SLC35A5: variants seen among roughly 807,000 people sequenced by gnomAD.
SLC35A5 encodes the protein UDP-sugar transporter protein SLC35A5.
Under a neutral mutation model 36.3 loss-of-function variants are expected in SLC35A5, and 28 were observed. The ratio of observed to expected loss-of-function variants is 0.77; its 90% CI spans 0.57 to 1.06. The LOEUF (loss-of-function observed/expected upper bound fraction) is 1.06. Ranked by LOEUF, SLC35A5 falls within the 50% of genes least tolerant of loss-of-function variation. SLC35A5 has a pLI of 0.00. For missense variants in SLC35A5, 521 were observed against 499.3 expected (o/e 1.04, Z -0.41); for synonymous variants, 180 against 173.7 (o/e 1.04, Z -0.29).
intron 1 of SLC35A5, 118 bp downstream of exon 1, chr3:112,562,391 T>C (rs1450805048): frequency 6.6e-6 from 1 of 152,362 alleles, no homozygotes; most frequent in Non-Finnish European, 1.5e-5. Flanking sequence ...AAGGGAAATC[T>C]GGCCCCCTCC....
chr3:112,582,443 A>G (rs1166004591), intron 6 of SLC35A5, among the ~76,000 whole-genome samples: 1 of 152,116 alleles, frequency 6.6e-6, no homozygotes, highest in African/African-American at 2.4e-5. Context: ...GGTGCTCCTC[A>G]CTTTGCTCAT....
rs1440614224 is a variant in SLC35A5, at chr3:112,569,418, G to C, written c.229+149G>C. The C allele has an allele frequency of 1.5e-5, 10 of 646,844 alleles. No individual in the cohort carries two copies. The South Asian group carries it at 1.8e-4, about 12-fold the overall frequency. The allele number at this position is 646,844 out of a possible 1,614,324, so 40.1% of individuals were successfully genotyped here. A position where few individuals can be genotyped will look rare whatever the true frequency, so the allele number is the denominator to read the frequency against. On this transcript the variant is annotated intron_variant, in intron 3 of 6. Transcript: ENST00000492406. Reference sequence around the variant, plus strand: ...AACATAAGTATGTTTTAGAGGTGGAGAAACAAGCTCAAAGAGAAAGTGTTA... The same window carrying C: ...AACATAAGTATGTTTTAGAGGTGGACAAACAAGCTCAAAGAGAAAGTGTTA...
In SLC35A5 at chr3:112,563,470, G is replaced by C. The variant is rs781004220; in HGVS notation, c.67G>C (p.Gly23Arg). 1.2e-6 allele frequency: 2 copies of C among 1,608,036 alleles called. No homozygotes were observed. The highest frequency in any genetic ancestry group is 1.7e-6 in the Non-Finnish European group (2 of 1,175,402). ...SLSTMYTFLL[G>R]AIFIALSSSR... ...GTCAACAATGTATACATTCCTGCTA[G>C]GTGCCATATTCATTGCTTTAAGCTC... Residue 23 changes from glycine to arginine, a missense_variant, in exon 2 of 7, where the codon GGT (glycine) becomes CGT (arginine). Physicochemically the swap from Gly to Arg is moderately radical, Grantham distance 125. Transcript: ENST00000492406.
chr3:112,567,518 A>G (rs1010213147), intron 2 of SLC35A5, among the ~76,000 whole-genome samples: 4 of 152,056 alleles, frequency 2.6e-5, no homozygotes, highest in Admixed American at 2.0e-4. Flanking sequence ...TGGTTTTACC[A>G]TGTTGGCCAC....
upstream of SLC35A5, chr3:112,561,874 C>G (rs1046845667): frequency 7.0e-6 from 2 of 285,798 alleles, no homozygotes; most frequent in Non-Finnish European, 6.6e-6. Flanking sequence ...TGTCTGTCCT[C>G]GCTTTGCTTC....
At chr3:112,569,000 A>C (rs551196035) in intron 2 of SLC35A5, among the ~76,000 whole-genome samples, 171 bp from the exon 3 acceptor site, 79 of 152,360 alleles carry the variant, frequency 5.2e-4, no homozygotes, top group Middle Eastern at 3.4e-3. Context: ...GGGATAGCTA[A>C]TACATTAGGT....
chr3:112,578,518 T>A (rs1934761205), intron 5 of SLC35A5, among the ~76,000 whole-genome samples: 1 of 152,220 alleles, frequency 6.6e-6, no homozygotes, highest in African/African-American at 2.4e-5. Context: ...TTCCACTGTT[T>A]TGTATCAGTT....
At chr3:112,564,120 C>T (rs1418851564) in intron 2 of SLC35A5, 5 of 152,104 alleles carry the variant, frequency 3.3e-5, no homozygotes, top group African/African-American at 4.8e-5. Context: ...GGGTGTTTCT[C>T]GTTAGGTGGA....
Position 112,583,105 on chromosome 3 carries a change from GTAGTTC to G in SLC35A5, c.*375_*380del. 2.5e-6 allele frequency: 1 copy of G among 400,240 alleles called. No individual in the cohort carries two copies. Among genetic ancestry groups the G allele is most frequent in the Non-Finnish European group, 4.4e-6 (1 of 227,184 alleles). 24.8% of individuals were successfully genotyped at this position (400,240 alleles called of 1,614,324 possible). On this transcript the variant is annotated 3_prime_UTR_variant, in exon 7 of 7. Transcript: ENST00000492406. ...CAATTTGCCAAATATTCACAATCAT[GTAGTTC>G]TAGTTTACATGCCAAAGTCTTCCCT...
At position 112,580,991 on chromosome 3, in the gene SLC35A5, C is replaced by G. The variant is rs767385342; in HGVS notation, c.874C>G (p.Gln292Glu). 2 of 1,614,088 alleles carry G rather than the reference C, an allele frequency of 1.2e-6. No homozygotes were observed. ...TLGLQRSNRD[Q>E]IKNCGFFYGH... is the part of the protein sequence containing the mutation. Reference sequence around the variant, plus strand: ...GGGCCTTCAGAGGAGTAACCGTGATCAGATTAAGAACTGTGGATTTTTTTA... The same window carrying G: ...GGGCCTTCAGAGGAGTAACCGTGATGAGATTAAGAACTGTGGATTTTTTTA... Residue 292 changes from glutamine to glutamate, a missense_variant, in exon 6 of 7, where the codon CAG becomes GAG. By Grantham distance (29) the Gln-to-Glu change is conservative. Coordinates refer to ENST00000492406, the MANE Select transcript of SLC35A5 (RefSeq NM_017945.5).
intron 5 of SLC35A5, among the ~76,000 whole-genome samples, chr3:112,575,001 A>G (rs904325581): frequency 6.6e-6 from 1 of 151,932 alleles, no homozygotes; most frequent in Admixed American, 6.6e-5. Flanking sequence ...TTCTTTAACT[A>G]AAAAAAAGAT....
At chr3:112,581,442 C>A in intron 6 of SLC35A5, 116 bp downstream of exon 6, 3 of 1,052,522 alleles carry the variant, frequency 2.9e-6, no homozygotes, top group Non-Finnish European at 4.0e-6. Context: ...GGATCTCTGA[C>A]TTTTAAAACC....
In SLC35A5 at chr3:112,580,842, T is replaced by G; in HGVS notation, c.725T>G (p.Ile242Ser). Residue 242 changes from isoleucine to serine, a missense_variant, in exon 6 of 7, where the codon ATT (isoleucine) becomes AGT (serine). Transcript: ENST00000492406. ...GTTCTTATTATAGTCCAGTGTTTTA[T>G]TTCTTCAATGGCTAATATCTATAAT... is the stretch of plus-strand genomic sequence containing the variant. ...GHVLIIVQCF[I>S]SSMANIYNEK... 1 of 1,614,192 alleles carries G rather than the reference T, an allele frequency of 6.2e-7. No homozygotes were observed. Among genetic ancestry groups the G allele is most frequent in the Non-Finnish European group, 8.5e-7 (1 of 1,180,004 alleles).
chr3:112,564,692 A>C (rs548395489), intron 2 of SLC35A5, among the ~76,000 whole-genome samples: 2 of 152,166 alleles, frequency 1.3e-5, no homozygotes, highest in Non-Finnish European at 2.9e-5. Context: ...TCAGACTATC[A>C]CATGGGGAGA....
intron 5 of SLC35A5, 71 bp downstream of exon 5, chr3:112,574,027 AGAACAC>A: frequency 7.6e-7 from 1 of 1,311,178 alleles, no homozygotes; most frequent in Non-Finnish European, 1.1e-6. Flanking sequence ...TGATATACCC[AGAACAC>A]TGAGCCGTCA....
In SLC35A5 at chr3:112,580,797, T is replaced by G. The variant is rs1427392011; in HGVS notation, c.680T>G (p.Ile227Ser). The G allele has an allele frequency of 6.2e-7, 1 of 1,614,104 alleles. No individual in the cohort carries two copies. Among genetic ancestry groups the G allele is most frequent in the Non-Finnish European group, 8.5e-7 (1 of 1,180,020 alleles). The change falls in exon 6 of 7, where the codon ATC becomes AGC. Residue 227 changes from isoleucine to serine, a missense_variant. By Grantham distance (142) the Ile-to-Ser change is moderately radical. Coordinates refer to ENST00000492406, the MANE Select transcript of SLC35A5 (RefSeq NM_017945.5). Reference protein sequence around the residue: ...WNTTARVFSHIRLGMGHVLII... With the variant: ...WNTTARVFSHSRLGMGHVLII... ...ACCACAGCCAGAGTTTTCAGTCACA[T>G]CCGTCTTGGCATGGGCCATGTTCTT...
intron 2 of SLC35A5, among the ~76,000 whole-genome samples, chr3:112,564,711 A>C (rs1197159815): frequency 6.6e-6 from 1 of 152,196 alleles, no homozygotes; most frequent in East Asian, 1.9e-4. Context: ...GAAACCTTGG[A>C]CAATACCTGG....
chr3:112,571,150 C>T (rs1365637175), intron 4 of SLC35A5, among the ~76,000 whole-genome samples: 1 of 152,178 alleles, frequency 6.6e-6, no homozygotes, highest in African/African-American at 2.4e-5. Flanking sequence ...ATTTAACCAA[C>T]AAATTCTTCA....
intron 1 of SLC35A5, among the ~76,000 whole-genome samples, chr3:112,562,819 T>C (rs1933990612): frequency 6.6e-6 from 1 of 152,166 alleles, no homozygotes; most frequent in South Asian, 2.1e-4. Context: ...ATCCCAGCAC[T>C]TTGGGAGGCA....
Sources: gnomAD v4.1 joint callset for allele counts (sites outside exome capture counted in the v4.1 genomes callset) on GRCh38, gnomAD v4.1.1 for gene constraint, MANE v1.5 for transcripts, NCBI Gene and HGNC (gene_info 2026-07-23, HGNC 2026-07-21) for gene names.